The following ZNF791 variants were observed in gnomAD, a reference collection of about 807,000 sequenced individuals.
ZNF791 encodes the protein zinc finger protein 791.
A neutral mutation model predicts 11.5 loss-of-function variants in ZNF791; 4 were observed. That is an observed-to-expected ratio of 0.35 (90% CI 0.17 to 0.80). The LOEUF (loss-of-function observed/expected upper bound fraction) is 0.80. Among genes scored for constraint, ZNF791 ranks in the 30% least tolerant of loss-of-function variants. The pLI is 0.53. For missense variants in ZNF791, 559 were observed against 699.4 expected, an observed-to-expected ratio of 0.80 and a Z score of 2.26; for synonymous variants, 212 against 228.1, an observed-to-expected ratio of 0.93 and a Z score of 0.64.
chr19:12,627,180 CAAAAT>C (rs1438115930), intron 3 of ZNF791, among the ~76,000 whole-genome samples: 1 of 130,072 alleles, frequency 7.7e-6, no homozygotes, highest in Non-Finnish European at 1.6e-5. Context: ...GACTCTGTCT[CAAAAT>C]GAAACCAAAA....
chr19:12,626,512 G>A (rs1448939153), intron 3 of ZNF791, among the ~76,000 whole-genome samples: 1 of 147,272 alleles, frequency 6.8e-6, no homozygotes, highest in African/African-American at 2.5e-5. Flanking sequence ...TCAAACTCCT[G>A]ACCCCAATTG....
intron 1 of ZNF791, among the ~76,000 whole-genome samples, chr19:12,617,760 CTTTTTTTTT>C (rs1019193795): frequency 7.2e-3 from 374 of 51,744 alleles, no homozygotes; most frequent in African/African-American, 0.028. Flanking sequence ...TGCTGGAACT[CTTTTTTTTT>C]TTTTTTTTTT....
At chr19:12,626,687 C>T (rs988422919) in intron 3 of ZNF791, among the ~76,000 whole-genome samples, 5 of 152,078 alleles carry the variant, frequency 3.3e-5, no homozygotes, top group African/African-American at 9.7e-5. Flanking sequence ...TCACTGCAAG[C>T]TCCGCCTCCC....
rs1207075816 is a variant in ZNF791, at chr19:12,622,076, CAT to C, written c.4-1623_4-1622del. ...ACCCCCAACCCTGTGCTCTCTGAAA[CAT>C]GTGCTGTGTCCACTCAGAGTTAAAT... On this transcript the variant is annotated intron_variant, in intron 1 of 3. Transcript: ENST00000343325. 2.5e-3 allele frequency among the ~76,000 whole-genome samples: 341 copies of C among 135,670 alleles called. 1 individual carries two copies. The highest frequency in any genetic ancestry group is 8.4e-3 in the African/African-American group (325 of 38,716). 89.0% of individuals were successfully genotyped at this position (135,670 alleles called of 152,430 possible).
At position 12,611,055 on chromosome 19, in the gene ZNF791, AC is replaced by A; in HGVS notation, c.-23del. On this transcript the variant is annotated 5_prime_UTR_variant, in exon 1 of 4. Coordinates refer to ENST00000343325, the MANE Select transcript of ZNF791 (RefSeq NM_153358.3). The stretch of plus-strand genomic sequence containing the variant: ...TGGCTCCGTGAACCTTAGGGACAAC[AC>A]CGGGACACCCGCGAGGCCGGAAAAT... 6.2e-7 allele frequency: 1 copy of A among 1,614,084 alleles called. No individual in the cohort carries two copies. The highest frequency in any genetic ancestry group is 8.5e-7 in the Non-Finnish European group (1 of 1,180,010).
chr19:12,627,698 A>T lies in ZNF791; in HGVS notation c.192-23A>T, dbSNP rs765835370. 6.4e-6 allele frequency: 10 copies of T among 1,574,248 alleles called. No individual in the cohort carries two copies. The East Asian group carries it at 2.2e-4, about 35-fold the overall frequency. On this transcript the variant is annotated intron_variant, in intron 3 of 3. Transcript: ENST00000343325. ...AAATCATTAATACACAACCAGTATTACCGTGCTTCTAATTTTTTACAGAAG... is the reference window on the plus strand; with the variant it reads ...AAATCATTAATACACAACCAGTATTTCCGTGCTTCTAATTTTTTACAGAAG...
In ZNF791 at chr19:12,628,233, A is replaced by G. The variant is rs768166520; in HGVS notation, c.704A>G (p.Glu235Gly). ...FSCSSSIRVH[E>G]RTHTGEKPYA... Reference sequence around the variant, plus strand: ...TGTTCCAGTTCTATTCGAGTACACGAAAGAACTCACACTGGAGAGAAACCC... The same window carrying G: ...TGTTCCAGTTCTATTCGAGTACACGGAAGAACTCACACTGGAGAGAAACCC... Residue 235 changes from glutamate (E) to glycine (G), a missense_variant, in exon 4 of 4, where the codon GAA becomes GGA. Glu to Gly is a moderately conservative substitution (Grantham distance 98). Coordinates refer to ENST00000343325, the MANE Select transcript of ZNF791 (RefSeq NM_153358.3). The G allele has an allele frequency of 3.7e-6, 6 of 1,613,754 alleles. No individual in the cohort carries two copies. The South Asian group carries it at 5.5e-5, about 15-fold the overall frequency.
At position 12,611,042 on chromosome 19, in the gene ZNF791, C is replaced by A; in HGVS notation, c.-38C>A. The stretch of plus-strand genomic sequence containing the variant: ...CTGTACCCTGCGCTGGCTCCGTGAA[C>A]CTTAGGGACAACACCGGGACACCCG... On this transcript the variant is annotated 5_prime_UTR_variant, in exon 1 of 4. Coordinates refer to ENST00000343325, the MANE Select transcript of ZNF791 (RefSeq NM_153358.3). 1 of 1,614,140 alleles carries A rather than the reference C, an allele frequency of 6.2e-7. No individual in the cohort carries two copies. The highest frequency in any genetic ancestry group is 1.1e-5 in the South Asian group (1 of 91,088).
intron 1 of ZNF791, among the ~76,000 whole-genome samples, chr19:12,622,620 G>A (rs181346307): frequency 6.6e-6 from 1 of 151,240 alleles, no homozygotes; most frequent in Non-Finnish European, 1.5e-5. Flanking sequence ...CCCAGCCGGA[G>A]GCAGTGGCTC....
intron 1 of ZNF791, among the ~76,000 whole-genome samples, chr19:12,614,690 G>A (rs1015433209): frequency 1.3e-5 from 2 of 151,540 alleles, no homozygotes; most frequent in African/African-American, 4.8e-5. Context: ...CGCTTCCCAG[G>A]TTCAAGCGAT....
In ZNF791 at chr19:12,623,685, T is replaced by A; in HGVS notation, c.4-15T>A. 1 of 1,613,926 alleles carries A rather than the reference T, an allele frequency of 6.2e-7. No individual in the cohort carries two copies. Among genetic ancestry groups the A allele is most frequent in the South Asian group, 1.1e-5 (1 of 91,046 alleles). Reference sequence around the variant, plus strand: ...GTCAATCTCACCTATTCTCTACTTATATTGGATGTTTCAGGACTCAGTGGC... The same window carrying A: ...GTCAATCTCACCTATTCTCTACTTAAATTGGATGTTTCAGGACTCAGTGGC... On this transcript the variant is annotated splice_polypyrimidine_tract_variant and intron_variant, in intron 1 of 3. Transcript: ENST00000343325.
At position 12,623,687 on chromosome 19, in the gene ZNF791, T is replaced by C. The variant is rs1303571385; in HGVS notation, c.4-13T>C. On this transcript the variant is annotated splice_polypyrimidine_tract_variant and intron_variant, in intron 1 of 3. Coordinates refer to ENST00000343325, the MANE Select transcript of ZNF791 (RefSeq NM_153358.3). ...CAATCTCACCTATTCTCTACTTATA[T>C]TGGATGTTTCAGGACTCAGTGGCTT... 3 of 1,613,870 alleles carry C rather than the reference T, an allele frequency of 1.9e-6. No individual in the cohort carries two copies. The highest frequency in any genetic ancestry group is 1.3e-5 in the African/African-American group (1 of 74,892).
intron 1 of ZNF791, among the ~76,000 whole-genome samples, chr19:12,615,672 G>T (rs1232178461): frequency 6.7e-6 from 1 of 149,826 alleles, no homozygotes; most frequent in Non-Finnish European, 1.5e-5. Context: ...TCAGCTACCT[G>T]GGAGGCTGAG....
At position 12,629,175 on chromosome 19, in the gene ZNF791, A is replaced by G. The variant is rs777933056; in HGVS notation, c.1646A>G (p.Glu549Gly). 2 of 1,591,422 alleles carry G rather than the reference A, an allele frequency of 1.3e-6. No individual in the cohort carries two copies. Among genetic ancestry groups the G allele is most frequent in the South Asian group, 2.3e-5 (2 of 86,592 alleles). ...AGACATACAAGAATTCACAATTATGAGAAACCTCTTGAATGTAAGCAATGT... is the reference window on the plus strand; with the variant it reads ...AGACATACAAGAATTCACAATTATGGGAAACCTCTTGAATGTAAGCAATGT... Reference protein sequence around the residue: ...FQRHTRIHNYEKPLECKQCGK... With the variant: ...FQRHTRIHNYGKPLECKQCGK... Residue 549 changes from glutamate (E) to glycine (G), a missense_variant, in exon 4 of 4, where the codon GAG becomes GGG. Coordinates refer to ENST00000343325, the MANE Select transcript of ZNF791 (RefSeq NM_153358.3).
At chr19:12,618,933 C>G (rs1270022466) in intron 1 of ZNF791, among the ~76,000 whole-genome samples, 1 of 150,812 alleles carries the variant, frequency 6.6e-6, no homozygotes, top group Non-Finnish European at 1.5e-5. Flanking sequence ...CTGCAACCTC[C>G]GCCTCCTGGG....
intron 1 of ZNF791, among the ~76,000 whole-genome samples, chr19:12,617,790 CAG>C (rs1305882089): frequency 2.1e-5 from 2 of 93,562 alleles, no homozygotes; most frequent in African/African-American, 4.3e-5. Flanking sequence ...TTTTTGGAGA[CAG>C]GGTATTACCC....
At chr19:12,625,589 A>C (rs1420244053) in intron 3 of ZNF791, among the ~76,000 whole-genome samples, 1 of 150,748 alleles carries the variant, frequency 6.6e-6, no homozygotes, top group African/African-American at 2.4e-5. Flanking sequence ...GATCAAGACC[A>C]GTCTGGCCAA....
chr19:12,619,903 ATTTATTTATTTATTTTTAT>A (rs1159942722), intron 1 of ZNF791, among the ~76,000 whole-genome samples: 13 of 41,134 alleles, frequency 3.2e-4, no homozygotes, highest in African/African-American at 5.8e-4. Context: ...TGAAATCTTT[ATTTATTTATTTATTTTTAT>A]TTTATTTATT....
rs2023382664 is a variant in ZNF791, at chr19:12,623,452, GT to G, written c.4-247del. 20 of 466,042 alleles carry G rather than the reference GT, an allele frequency of 4.3e-5. No homozygotes were observed. The South Asian group carries it at 6.6e-4, about 15-fold the overall frequency. 28.9% of individuals were successfully genotyped at this position (466,042 alleles called of 1,614,324 possible). A position where few individuals can be genotyped will look rare whatever the true frequency, so the allele number is the denominator to read the frequency against. Reference sequence around the variant, plus strand: ...ATTGATCCTAAAATTTGTCTCATTTGTGTAGGATTTCTTTCATTTTTCTAAG... The same window carrying G: ...ATTGATCCTAAAATTTGTCTCATTTGGTAGGATTTCTTTCATTTTTCTAAG... On this transcript the variant is annotated intron_variant, in intron 1 of 3. Coordinates refer to ENST00000343325, the MANE Select transcript of ZNF791 (RefSeq NM_153358.3).
Sources: allele counts gnomAD v4.1 joint callset (sites outside exome capture counted in the v4.1 genomes callset), GRCh38; gene constraint gnomAD v4.1.1; transcripts MANE v1.5; gene names NCBI Gene and HGNC (gene_info 2026-07-23, HGNC 2026-07-21).